Variants in GIT2 observed in about 807,000 individuals in gnomAD.
GIT2 encodes the protein GIT ArfGAP 2.
Under a neutral mutation model 100.3 loss-of-function variants are expected in GIT2, and 32 were observed. That is an observed-to-expected ratio of 0.32 (90% CI 0.24 to 0.43). The LOEUF (loss-of-function observed/expected upper bound fraction) is 0.43, where lower values mean the gene tolerates loss of function less well. GIT2 is among the 20% of genes least tolerant of loss of function. The probability of loss-of-function intolerance (pLI) is 1.00; values close to 1 mark genes in which losing one functional copy is unlikely to be tolerated. For synonymous variants in GIT2, 353 were observed against 364.1 expected (o/e 0.97, Z 0.35); for missense variants, 737 against 975.1 (o/e 0.76, Z 3.25).
At chr12:109,991,254 G>C (rs190097630) in intron 2 of GIT2, among the ~76,000 whole-genome samples, 13 of 150,798 alleles carry the variant, frequency 8.6e-5, no homozygotes, top group Admixed American at 5.9e-4. Flanking sequence ...AGGTTACAGT[G>C]AGCTGAGATC....
At chr12:109,952,974 T>C (rs1878335711) in intron 13 of GIT2, 118 bp downstream of exon 13, 2 of 924,492 alleles carry the variant, frequency 2.2e-6, no homozygotes, top group Non-Finnish European at 3.3e-6. Context: ...TTTAACCTTG[T>C]TTCACCTTTG....
intron 4 of GIT2, among the ~76,000 whole-genome samples, chr12:109,984,433 A>T (rs1452940502): frequency 6.6e-6 from 1 of 151,652 alleles, no homozygotes; most frequent in African/African-American, 2.4e-5. Context: ...AAAATAAAAA[A>T]AATTTTAAAA....
chr12:109,947,606 C>G lies in GIT2; in HGVS notation c.1393-102G>C. 1 of 1,057,544 alleles carries G rather than the reference C, an allele frequency of 9.5e-7. No individual in the cohort carries two copies. 65.5% of individuals were successfully genotyped at this position (1,057,544 alleles called of 1,614,324 possible). A position where few individuals can be genotyped will look rare whatever the true frequency, so the allele number is the denominator to read the frequency against. On this transcript the variant is annotated intron_variant, in intron 14 of 19. Transcript: ENST00000355312. The surrounding 1 kb of genome is among the most constrained non-coding windows in gnomAD (Gnocchi z 4.3). ...AACTACCAGTTTTAAACAATAAGGA[C>G]AGTAACAGCTAGCCGGGCTGAAAGT... is the stretch of plus-strand genomic sequence containing the variant.
chr12:109,959,990 C>T (rs1431071435), intron 11 of GIT2, 32 bp from the exon 12 acceptor site: 1 of 1,427,988 alleles, frequency 7.0e-7, no homozygotes, highest in Non-Finnish European at 9.9e-7. Context: ...GAAATATTTC[C>T]CAGTGTAAAA....
intron 1 of GIT2, among the ~76,000 whole-genome samples, chr12:109,994,043 T>G (rs1365717762): frequency 4.1e-5 from 6 of 144,864 alleles, no homozygotes; most frequent in Non-Finnish European, 7.4e-5. Flanking sequence ...TTAACAACAC[T>G]GCTTCCTGCA....
intron 14 of GIT2, chr12:109,949,101 G>C: frequency 1.9e-6 from 1 of 519,066 alleles, no homozygotes; most frequent in East Asian, 3.3e-5. Flanking sequence ...ACAAAGGCTG[G>C]CAGGGTATAG....
chr12:109,967,067 G>A (rs935235195), intron 8 of GIT2, among the ~76,000 whole-genome samples: 17 of 152,162 alleles, frequency 1.1e-4, no homozygotes, highest in East Asian at 3.8e-4. Flanking sequence ...AAGCTGTTGC[G>A]AAAGCGGCCA....
At chr12:109,956,660 A>G (rs1449405317) in intron 12 of GIT2, among the ~76,000 whole-genome samples, 3 of 152,222 alleles carry the variant, frequency 2.0e-5, no homozygotes, top group Non-Finnish European at 4.4e-5. Context: ...ACTCACTTGT[A>G]CACACATATT....
rs558192729 is a variant in GIT2 at position 109,956,895 on chromosome 12, G to A, written c.1099+2952C>T. Among the ~76,000 whole-genome samples, 4 of 151,738 alleles carry A rather than the reference G, an allele frequency of 2.6e-5. No homozygotes were observed. The South Asian group carries it at 8.3e-4, about 31-fold the overall frequency. ...TAGCTGGGTGTGGTGGTGCACACCT[G>A]TAATCCCAGCTACTCAGGAGGCTAA... On this transcript the variant is annotated intron_variant, in intron 12 of 19. Transcript: ENST00000355312.
chr12:109,936,802 G>C (rs1489112705), intron 18 of GIT2, among the ~76,000 whole-genome samples: 1 of 151,924 alleles, frequency 6.6e-6, no homozygotes, highest in Admixed American at 6.6e-5. Flanking sequence ...CCAAGGAGGC[G>C]GAAGTTGCAG....
In GIT2 at chr12:109,947,072, T is replaced by C. The variant is rs775723262; in HGVS notation, c.1641+184A>G. The stretch of plus-strand genomic sequence containing the variant: ...ACTTGGTTAGGAAACCATCAGCCCA[T>C]GGCCCTGTGTGCTTGTGGGAATATC... On this transcript the variant is annotated intron_variant, in intron 15 of 19. Coordinates refer to ENST00000355312, the MANE Select transcript of GIT2 (RefSeq NM_057169.5). This position sits in a 1 kb window ranked among gnomAD's most constrained non-coding sequence, Gnocchi z 4.3. 6.6e-6 allele frequency among the ~76,000 whole-genome samples: 1 copy of C among 152,146 alleles called. No homozygotes were observed. The highest frequency in any genetic ancestry group is 1.5e-5 in the Non-Finnish European group (1 of 68,022).
At chr12:109,938,695 G>T in intron 17 of GIT2, 127 bp from the exon 18 acceptor site, 1 of 642,040 alleles carries the variant, frequency 1.6e-6, no homozygotes. Flanking sequence ...CCTTTATCCT[G>T]TCTAGCAGGA....
chr12:109,972,743 G>A (rs1440836386), intron 7 of GIT2, among the ~76,000 whole-genome samples: 1 of 152,080 alleles, frequency 6.6e-6, no homozygotes, highest in Non-Finnish European at 1.5e-5. Flanking sequence ...GATTACAGGC[G>A]TGAGCCACTG....
intron 12 of GIT2, among the ~76,000 whole-genome samples, chr12:109,957,016 C>CAA (rs569900190): frequency 2.5e-5 from 3 of 121,360 alleles, no homozygotes; most frequent in African/African-American, 3.0e-5. Flanking sequence ...AGACTCGTCT[C>CAA]AAAAAAAAAA....
chr12:109,947,236 G>A lies in GIT2; in HGVS notation c.1641+20C>T, dbSNP rs1225034898. ...AGGCTGCATAGAGTGAACAGCAGAA[G>A]CGCCAGTGGTGTTACTTACGTGCGC... On this transcript the variant is annotated intron_variant, in intron 15 of 19. Coordinates refer to ENST00000355312, the MANE Select transcript of GIT2 (RefSeq NM_057169.5). This position sits in a 1 kb window ranked among gnomAD's most constrained non-coding sequence, Gnocchi z 4.3. The A allele has an allele frequency of 1.2e-6, 2 of 1,605,094 alleles. No homozygotes were observed. Among genetic ancestry groups the A allele is most frequent in the Non-Finnish European group, 1.7e-6 (2 of 1,174,388 alleles).
Position 109,948,016 on chromosome 12 carries a change from G to T in GIT2, c.1393-512C>A. The T allele has an allele frequency of 2.0e-6, 1 of 495,290 alleles. No homozygotes were observed. The highest frequency in any genetic ancestry group is 2.6e-6 in the Non-Finnish European group (1 of 382,330). The allele number at this position is 495,290 out of a possible 1,614,324, so 30.7% of individuals were successfully genotyped here. On this transcript the variant is annotated intron_variant, in intron 14 of 19. Transcript: ENST00000355312. This position sits in a 1 kb window ranked among gnomAD's most constrained non-coding sequence, Gnocchi z 4.3. Reference sequence around the variant, plus strand: ...CAAGAAAGACAGAAGTTCAGCTTGTGAAAAATCAGATCGCCTATTGCTTTC... The same window carrying T: ...CAAGAAAGACAGAAGTTCAGCTTGTTAAAAATCAGATCGCCTATTGCTTTC...
chr12:109,951,250 G>A lies in GIT2; in HGVS notation c.1309C>T (p.Leu437=). Residue 437 remains leucine, a synonymous_variant, in exon 14 of 20, where the codon CTA becomes TTA. Transcript: ENST00000355312. ...VQEFMEVKNA[L]VASEAKIQQL... is the part of the protein sequence containing the mutation. ...TGTATCTTGGCCTCAGAAGCCACTA[G>A]AGCGTTTTTGACCTCCATAAATTCC... The A allele has an allele frequency of 1.9e-6, 3 of 1,610,760 alleles. No homozygotes were observed. The highest frequency in any genetic ancestry group is 2.5e-6 in the Non-Finnish European group (3 of 1,176,926).
Position 109,962,659 on chromosome 12 carries a change from C to T in GIT2, c.817-974G>A, listed in dbSNP as rs976389064. ...CTCTCTCTGCACTTTCTGCCTCATG[C>T]AACACCTTGACACGTGGTAGTTGTG... On this transcript the variant is annotated intron_variant, in intron 9 of 19. Transcript: ENST00000355312. This position sits in a 1 kb window ranked among gnomAD's most constrained non-coding sequence, Gnocchi z 4.3. 2.0e-5 allele frequency among the ~76,000 whole-genome samples: 3 copies of T among 152,230 alleles called. No homozygotes were observed. The highest frequency in any genetic ancestry group is 7.2e-5 in the African/African-American group (3 of 41,472).
Position 109,934,090 on chromosome 12 carries a change from A to G in GIT2, c.2004-5T>C. ...CTCTCTGAGCAGGGAATATAACTGC[A>G]AGAATATTGAAGAAGTTATTCAATG... On this transcript the variant is annotated splice_polypyrimidine_tract_variant and splice_region_variant and intron_variant, in intron 18 of 19. Transcript: ENST00000355312. The surrounding 1 kb of genome is among the most constrained non-coding windows in gnomAD (Gnocchi z 4.5). The G allele has an allele frequency of 4.8e-6, 7 of 1,462,772 alleles. No individual in the cohort carries two copies. Among genetic ancestry groups the G allele is most frequent in the Non-Finnish European group, 5.8e-6 (6 of 1,042,038 alleles). 90.6% of individuals were successfully genotyped at this position (1,462,772 alleles called of 1,614,324 possible).
Sources: allele counts gnomAD v4.1 joint callset (sites outside exome capture counted in the v4.1 genomes callset), GRCh38; gene constraint gnomAD v4.1.1; non-coding constraint Gnocchi (gnomAD v3.1); transcripts MANE v1.5; gene names NCBI Gene and HGNC (gene_info 2026-07-23, HGNC 2026-07-21).